Variants in CCDC169 observed in about 807,000 individuals in gnomAD.
The protein encoded by CCDC169 is coiled-coil domain-containing protein 169.
Under a neutral mutation model 36.0 loss-of-function variants are expected in CCDC169, and 30 were observed. The ratio of observed to expected loss-of-function variants is 0.83; its 90% confidence interval spans 0.62 to 1.13. The LOEUF (loss-of-function observed/expected upper bound fraction) is 1.13, where lower values mean the gene tolerates loss of function less well. Ranked by LOEUF, CCDC169 falls within the 50% of genes most tolerant of loss-of-function variation. The pLI, the probability that CCDC169 is intolerant of heterozygous loss-of-function variation, is 0.00. For synonymous variants in CCDC169, 85 were observed against 81.5 expected (o/e 1.04, Z -0.23); for missense variants, 245 against 245.9 (o/e 1.00, Z 0.03).
At chr13:36,257,472 G>C (rs887273827) in intron 4 of CCDC169, among the ~76,000 whole-genome samples, 5 of 150,774 alleles carry the variant, frequency 3.3e-5, no homozygotes, top group African/African-American at 1.2e-4. Flanking sequence ...TTGGGAGGCC[G>C]AGGCAGGCAG....
At chr13:36,247,191 T>C (rs973421561) in intron 7 of CCDC169, among the ~76,000 whole-genome samples, 13 of 152,146 alleles carry the variant, frequency 8.5e-5, no homozygotes, top group African/African-American at 3.1e-4. Flanking sequence ...GCTCAGAAAA[T>C]AAGATTCCTT....
chr13:36,254,272 G>C, intron 4 of CCDC169, 129 bp from the exon 5 acceptor site: 1 of 355,542 alleles, frequency 2.8e-6, no homozygotes, highest in South Asian at 4.6e-5. Context: ...TCTATGATAT[G>C]TACTTTTTTT....
At chr13:36,249,524 GAGAT>G (rs1157241808) in intron 6 of CCDC169, among the ~76,000 whole-genome samples, 1 of 152,164 alleles carries the variant, frequency 6.6e-6, no homozygotes, top group Non-Finnish European at 1.5e-5. Flanking sequence ...GAAATGAAAA[GAGAT>G]AGAGGACTAA....
At chr13:36,262,296 A>AC (rs11399906) in intron 4 of CCDC169, among the ~76,000 whole-genome samples, 61,565 of 151,942 alleles carry the variant, frequency 0.41, 13,236 homozygotes, top group Non-Finnish European at 0.48. Flanking sequence ...AGCCTGACCA[A>AC]TCTCACATAA....
intron 4 of CCDC169, chr13:36,267,310 T>C (rs1159727323): frequency 1.3e-5 from 2 of 152,188 alleles, no homozygotes; most frequent in African/African-American, 2.4e-5. Flanking sequence ...ATCTTCAGCC[T>C]CCTTAAACAG....
intron 7 of CCDC169, among the ~76,000 whole-genome samples, chr13:36,242,368 G>A (rs1383231956): frequency 6.6e-6 from 1 of 151,930 alleles, no homozygotes; most frequent in Non-Finnish European, 1.5e-5. Context: ...CATGTCCTTT[G>A]GCCATTTGGA....
intron 7 of CCDC169, among the ~76,000 whole-genome samples, chr13:36,242,787 T>C (rs1871994520): frequency 6.6e-6 from 1 of 152,124 alleles, no homozygotes; most frequent in Non-Finnish European, 1.5e-5. Flanking sequence ...TACCAGACCA[T>C]GCCACCTACC....
chr13:36,266,154 C>T (rs571975055), intron 4 of CCDC169, among the ~76,000 whole-genome samples: 1 of 152,268 alleles, frequency 6.6e-6, no homozygotes, highest in East Asian at 1.9e-4. Context: ...ATTATGCTTT[C>T]CACTGGGCTG....
At chr13:36,257,662 C>T (rs1874081517) in intron 4 of CCDC169, among the ~76,000 whole-genome samples, 1 of 151,464 alleles carries the variant, frequency 6.6e-6, no homozygotes, top group Admixed American at 6.6e-5. Context: ...AAGATCACAC[C>T]ACTGTACTCC....
At chr13:36,296,101 T>C (rs1181080962) in intron 1 of CCDC169, among the ~76,000 whole-genome samples, 1 of 152,228 alleles carries the variant, frequency 6.6e-6, no homozygotes, top group Admixed American at 6.5e-5. Context: ...TATTTTTATT[T>C]ATTTTTTTGA....
At chr13:36,239,348 T>C (rs964573659) in intron 7 of CCDC169, among the ~76,000 whole-genome samples, 2 of 151,990 alleles carry the variant, frequency 1.3e-5, no homozygotes, top group African/African-American at 4.8e-5. Context: ...TATATGTGGG[T>C]ATAGGGATCA....
At chr13:36,286,954 T>C (rs897955098) in intron 2 of CCDC169, among the ~76,000 whole-genome samples, 1 of 152,214 alleles carries the variant, frequency 6.6e-6, no homozygotes, top group African/African-American at 2.4e-5. Context: ...TCTCTTTTCC[T>C]GTTCAAACCA....
chr13:36,270,292 C>A (rs1072676), intron 4 of CCDC169, among the ~76,000 whole-genome samples: 38,700 of 151,996 alleles, frequency 0.25, 5,194 homozygotes, highest in East Asian at 0.49. Context: ...AAAAAGGAAA[C>A]AACATCCCAT....
downstream of CCDC169, among the ~76,000 whole-genome samples, chr13:36,230,377 T>C (rs948812088): frequency 1.2e-4 from 19 of 152,224 alleles, no homozygotes; most frequent in African/African-American, 4.6e-4. Context: ...ATTCAATACA[T>C]TTTATAAATG....
chr13:36,258,686 T>C (rs1490016814), intron 4 of CCDC169, among the ~76,000 whole-genome samples: 2 of 152,170 alleles, frequency 1.3e-5, no homozygotes, highest in African/African-American at 4.8e-5. Context: ...GGAAAACTCA[T>C]GAATAATCCA....
intron 6 of CCDC169, among the ~76,000 whole-genome samples, chr13:36,252,249 T>C (rs1873265614): frequency 6.6e-6 from 1 of 152,198 alleles, no homozygotes; most frequent in Non-Finnish European, 1.5e-5. Context: ...CAGCCCAGTA[T>C]CAAGGAACAT....
intron 7 of CCDC169, among the ~76,000 whole-genome samples, chr13:36,241,306 A>T (rs1871789438): frequency 6.6e-6 from 1 of 152,200 alleles, no homozygotes; most frequent in South Asian, 2.1e-4. Context: ...ATAAATTATA[A>T]TAAAGCAAAT....
At chr13:36,287,163 T>A (rs1435191903) in intron 2 of CCDC169, among the ~76,000 whole-genome samples, 1 of 85,390 alleles carries the variant, frequency 1.2e-5, no homozygotes, top group Non-Finnish European at 2.8e-5. Flanking sequence ...TCTAAAGCTA[T>A]CTTCCCTCTT....
intron 4 of CCDC169, among the ~76,000 whole-genome samples, chr13:36,262,548 A>C (rs888101692): frequency 1.3e-5 from 2 of 152,228 alleles, no homozygotes; most frequent in Non-Finnish European, 2.9e-5. Flanking sequence ...TCATGCTTCA[A>C]ATATGCTTTT....
Sources: gnomAD v4.1 joint callset for allele counts (sites outside exome capture counted in the v4.1 genomes callset) on GRCh38, gnomAD v4.1.1 for gene constraint, MANE v1.5 for transcripts, NCBI Gene and HGNC (gene_info 2026-07-23, HGNC 2026-07-21) for gene names.